Variants in NECTIN2 observed in about 807,000 individuals in gnomAD.
NECTIN2 encodes nectin-2.
Under a neutral mutation model 56.9 loss-of-function variants are expected in NECTIN2, and 23 were observed. That is an observed-to-expected ratio of 0.40 (90% CI 0.29 to 0.57). The LOEUF is 0.57. NECTIN2 is among the 20% of genes least tolerant of loss of function. The pLI is 0.38. For synonymous variants in NECTIN2, 302 were observed against 313.8 expected, an observed-to-expected ratio of 0.96 and a Z score of 0.40; for missense variants, 587 against 718.3, an observed-to-expected ratio of 0.82 and a Z score of 2.09.
Position 44,874,173 on chromosome 19 carries a change from C to T in NECTIN2, c.893+140C>T. The T allele has an allele frequency of 1.6e-6, 2 of 1,235,360 alleles. No individual in the cohort carries two copies. The highest frequency in any genetic ancestry group is 2.3e-5 in the East Asian group (1 of 42,730). 76.5% of individuals were successfully genotyped at this position (1,235,360 alleles called of 1,614,324 possible). On this transcript the variant is annotated intron_variant, in intron 4 of 8. Transcript: ENST00000252483. The surrounding 1 kb of genome is among the most constrained non-coding windows in gnomAD (Gnocchi z 6.3). Reference sequence around the variant, plus strand: ...GGGGCTGGGCCTAAATTCCTAAGTCCTCCAGGATGAAGGGAGCTTGCATTT... The same window carrying T: ...GGGGCTGGGCCTAAATTCCTAAGTCTTCCAGGATGAAGGGAGCTTGCATTT...
intron 2 of NECTIN2, among the ~76,000 whole-genome samples, chr19:44,870,566 TA>T (rs148697637): frequency 5.3e-5 from 8 of 151,718 alleles, no homozygotes; most frequent in East Asian, 1.9e-4. Context: ...GGAAAGGGTA[TA>T]AAAAAAAGAA....
intron 5 of NECTIN2, chr19:44,878,106 G>T (rs1969261098): frequency 3.8e-6 from 2 of 524,622 alleles, no homozygotes; most frequent in Non-Finnish European, 6.8e-6. Context: ...GGTCACTCCC[G>T]CTCCCTCCAT....
chr19:44,882,512 G>A (rs1969318973), intron 6 of NECTIN2, 148 bp downstream of exon 6: 2 of 718,638 alleles, frequency 2.8e-6, no homozygotes, highest in Admixed American at 8.7e-5. Context: ...GAGTAGGGAG[G>A]TATGGGTTTC....
rs1277426966 is a variant in NECTIN2 at position 44,888,401 on chromosome 19, C to CA, written c.*23dup. On this transcript the variant is annotated 3_prime_UTR_variant, in exon 9 of 9. Transcript: ENST00000252483. ...GTGAGCTGCCATGCGCCTGGCGTCTCACATCTCACCTGTTGATCCCTTAGC... is the reference window on the plus strand; with the variant it reads ...GTGAGCTGCCATGCGCCTGGCGTCTCAACATCTCACCTGTTGATCCCTTAGC... 3 of 1,600,496 alleles carry CA rather than the reference C, an allele frequency of 1.9e-6. No individual in the cohort carries two copies. Among genetic ancestry groups the CA allele is most frequent in the Non-Finnish European group, 2.6e-6 (3 of 1,169,850 alleles).
intron 1 of NECTIN2, among the ~76,000 whole-genome samples, chr19:44,853,122 A>G (rs945191314): frequency 1.1e-4 from 17 of 151,184 alleles, no homozygotes; most frequent in Middle Eastern, 3.5e-3. Context: ...AAAAAAAAGG[A>G]ATGTTAACCC....
chr19:44,874,636 C>A lies in NECTIN2; in HGVS notation c.1042+158C>A. 1.1e-6 allele frequency: 1 copy of A among 894,158 alleles called. No individual in the cohort carries two copies. Among genetic ancestry groups the A allele is most frequent in the Non-Finnish European group, 1.7e-6 (1 of 591,324 alleles). 55.4% of individuals were successfully genotyped at this position (894,158 alleles called of 1,614,324 possible). On this transcript the variant is annotated intron_variant, in intron 5 of 8. Coordinates refer to ENST00000252483, the MANE Select transcript of NECTIN2 (RefSeq NM_001042724.2). The surrounding 1 kb of genome is among the most constrained non-coding windows in gnomAD (Gnocchi z 6.3). Reference sequence around the variant, plus strand: ...GGGAGATGAGGGTTGGCCTTCCCCTCGTGGCCTCAGACTGGGGTCTGGATT... The same window carrying A: ...GGGAGATGAGGGTTGGCCTTCCCCTAGTGGCCTCAGACTGGGGTCTGGATT...
At chr19:44,866,049 A>G (rs1244141891) in intron 2 of NECTIN2, among the ~76,000 whole-genome samples, 1 of 151,990 alleles carries the variant, frequency 6.6e-6, no homozygotes, top group African/African-American at 2.4e-5. Context: ...GCCCGTGCCT[A>G]TAATCCCAGA....
At chr19:44,853,645 C>T (rs959492062) in intron 1 of NECTIN2, among the ~76,000 whole-genome samples, 2 of 151,910 alleles carry the variant, frequency 1.3e-5, no homozygotes, top group African/African-American at 2.4e-5. Context: ...CCCGCCACCA[C>T]GCCCGGCTAA....
intron 1 of NECTIN2, among the ~76,000 whole-genome samples, chr19:44,863,090 A>C (rs925351276): frequency 7.0e-4 from 104 of 147,620 alleles, no homozygotes; most frequent in African/African-American, 2.6e-3. Flanking sequence ...TGAAATTGGG[A>C]GGTGGAGGTT....
intron 6 of NECTIN2, 58 bp from the exon 7 acceptor site, chr19:44,885,879 C>G (rs1267030731): frequency 7.1e-7 from 1 of 1,408,466 alleles, no homozygotes; most frequent in South Asian, 1.2e-5. Flanking sequence ...GCCATAACCC[C>G]GGAGTCAGAG....
At chr19:44,846,715 C>A in intron 1 of NECTIN2, 102 bp downstream of exon 1, 3 of 1,370,222 alleles carry the variant, frequency 2.2e-6, no homozygotes, top group Non-Finnish European at 2.9e-6. Flanking sequence ...CCCGGCTCCC[C>A]GAGCCCCCTC....
chr19:44,869,607 A>G (rs2069729424), intron 2 of NECTIN2, among the ~76,000 whole-genome samples: 2 of 143,984 alleles, frequency 1.4e-5, no homozygotes, highest in Admixed American at 6.8e-5. Flanking sequence ...AAAAAAAAAA[A>G]AAGAAAAGAA....
At chr19:44,867,506 G>A (rs771701689) in intron 2 of NECTIN2, among the ~76,000 whole-genome samples, 1 of 152,202 alleles carries the variant, frequency 6.6e-6, no homozygotes, top group Non-Finnish European at 1.5e-5. Flanking sequence ...AACAAGTCCA[G>A]TCCGGGCAGG....
chr19:44,858,077 C>A (rs1381297938), intron 1 of NECTIN2, among the ~76,000 whole-genome samples: 1 of 152,158 alleles, frequency 6.6e-6, no homozygotes, highest in African/African-American at 2.4e-5. Flanking sequence ...AGGCGTGTGA[C>A]CGAAGTCCCC....
chr19:44,867,340 G>T (rs1431968826), intron 2 of NECTIN2, among the ~76,000 whole-genome samples: 1 of 151,994 alleles, frequency 6.6e-6, no homozygotes, highest in Non-Finnish European at 1.5e-5. Flanking sequence ...AAAAAAAATT[G>T]TTTTAATTAA....
chr19:44,878,274 T>C, intron 5 of NECTIN2: 1 of 1,112,568 alleles, frequency 9.0e-7, no homozygotes, highest in Non-Finnish European at 1.3e-6. Context: ...TGGGGGGCCG[T>C]GGGGGGGACA....
chr19:44,856,742 G>A (rs1488384261), intron 1 of NECTIN2, among the ~76,000 whole-genome samples: 3 of 152,094 alleles, frequency 2.0e-5, no homozygotes, highest in South Asian at 4.1e-4. Flanking sequence ...CTTGTGGGAG[G>A]GGGGTGATGT....
rs554729329 is a variant in NECTIN2, at chr19:44,888,786, C to T, written c.*407C>T. The T allele has an allele frequency of 1.1e-5, 2 of 178,414 alleles. No homozygotes were observed. The highest frequency in any genetic ancestry group is 1.4e-4 in the South Asian group (1 of 7,140). The allele number at this position is 178,414 out of a possible 1,614,324, so 11.1% of individuals were successfully genotyped here. ...GGTCTGCTGGAGTGGGCGCTGAGGGCTCCCTGCTGCTCAGACCTGAGCCCT... is the reference window on the plus strand; with the variant it reads ...GGTCTGCTGGAGTGGGCGCTGAGGGTTCCCTGCTGCTCAGACCTGAGCCCT... On this transcript the variant is annotated 3_prime_UTR_variant, in exon 9 of 9. Coordinates refer to ENST00000252483, the MANE Select transcript of NECTIN2 (RefSeq NM_001042724.2).
intron 1 of NECTIN2, among the ~76,000 whole-genome samples, chr19:44,855,402 G>A (rs1437858108): frequency 6.6e-6 from 1 of 152,020 alleles, no homozygotes; most frequent in Non-Finnish European, 1.5e-5. Flanking sequence ...TCCAGCCTGG[G>A]CGAAAGAGTG....
Sources: allele counts gnomAD v4.1 joint callset (sites outside exome capture counted in the v4.1 genomes callset), GRCh38; gene constraint gnomAD v4.1.1; non-coding constraint Gnocchi (gnomAD v3.1); transcripts MANE v1.5; gene names NCBI Gene and HGNC (gene_info 2026-07-23, HGNC 2026-07-21).